Variants in STK32A observed in about 807,000 individuals in gnomAD.
STK32A encodes serine/threonine-protein kinase 32A.
A neutral mutation model predicts 53.2 loss-of-function variants in STK32A; 41 were observed. The observed-to-expected ratio is 0.77, with a 90% CI of 0.60 to 1.00. The LOEUF (loss-of-function observed/expected upper bound fraction) is 1.00. Among genes scored for constraint, STK32A ranks in the 50% least tolerant of loss-of-function variants. STK32A has a pLI of 0.00. For missense variants in STK32A, 458 were observed against 485.8 expected (o/e 0.94, Z 0.54); for synonymous variants, 166 against 162.8 (o/e 1.02, Z -0.15).
At chr5:147,260,553 C>G (rs4629642) in intron 2 of STK32A, among the ~76,000 whole-genome samples, 55,916 of 147,760 alleles carry the variant, frequency 0.38, 10,553 homozygotes, top group Admixed American at 0.42. Flanking sequence ...TGCCTGTCCT[C>G]GAAGGCTCAA....
chr5:147,312,518 T>C (rs909750151), intron 4 of STK32A, among the ~76,000 whole-genome samples: 2 of 152,260 alleles, frequency 1.3e-5, no homozygotes, highest in Non-Finnish European at 2.9e-5. Flanking sequence ...GATATATGGC[T>C]GTTTATTCTG....
chr5:147,283,719 A>T (rs558721253), intron 4 of STK32A, among the ~76,000 whole-genome samples: 6 of 152,278 alleles, frequency 3.9e-5, no homozygotes, highest in African/African-American at 1.2e-4. Context: ...TCCTGGAAAA[A>T]TATAACTCTC....
intron 4 of STK32A, among the ~76,000 whole-genome samples, chr5:147,317,571 CGCTTCA>C (rs1754069020): frequency 6.6e-6 from 1 of 151,890 alleles, no homozygotes; most frequent in Non-Finnish European, 1.5e-5. Flanking sequence ...GTGATCCACC[CGCTTCA>C]GCCTCCCAAA....
intron 10 of STK32A, among the ~76,000 whole-genome samples, chr5:147,373,869 CAG>C (rs1216131350): frequency 6.6e-6 from 1 of 152,140 alleles, no homozygotes; most frequent in Admixed American, 6.5e-5. Context: ...AGCCAGAGTC[CAG>C]AAGCTTAGGC....
intron 2 of STK32A, among the ~76,000 whole-genome samples, chr5:147,263,414 C>T (rs1581009519): frequency 6.6e-6 from 1 of 152,126 alleles, no homozygotes; most frequent in East Asian, 1.9e-4. Flanking sequence ...GATTCTCAGG[C>T]TTTTGGGGAA....
chr5:147,387,853 T>C lies in STK32A; in HGVS notation c.*3870T>C, dbSNP rs1002809421. On this transcript the variant is annotated 3_prime_UTR_variant, in exon 13 of 13. Coordinates refer to ENST00000397936, the MANE Select transcript of STK32A (RefSeq NM_001112724.2). ...GTATTAAAATGTCTTCTGTAAACAATGAGCCACTGACCCTTCTTTGTCAGC... is the reference window on the plus strand; with the variant it reads ...GTATTAAAATGTCTTCTGTAAACAACGAGCCACTGACCCTTCTTTGTCAGC... The C allele has an allele frequency of 6.6e-6, 1 of 152,216 alleles. No homozygotes were observed. The highest frequency in any genetic ancestry group is 1.5e-5 in the Non-Finnish European group (1 of 68,052). The allele number at this position is 152,216 out of a possible 1,614,324, so 9.4% of individuals were successfully genotyped here. A position where few individuals can be genotyped will look rare whatever the true frequency, so the allele number is the denominator to read the frequency against.
chr5:147,246,627 C>T (rs908503253), intron 2 of STK32A, among the ~76,000 whole-genome samples: 2 of 152,108 alleles, frequency 1.3e-5, no homozygotes, highest in South Asian at 2.1e-4. Context: ...ATCGTATCTA[C>T]TCTTTATCTG....
chr5:147,331,960 C>T (rs960565830), intron 5 of STK32A, among the ~76,000 whole-genome samples: 2 of 152,172 alleles, frequency 1.3e-5, no homozygotes, highest in Non-Finnish European at 2.9e-5. Context: ...GACTTTCTAC[C>T]TTCAGAACTG....
At chr5:147,323,819 C>A (rs1754437593) in intron 4 of STK32A, 79 bp from the exon 5 acceptor site, 2 of 1,255,798 alleles carry the variant, frequency 1.6e-6, no homozygotes, top group Middle Eastern at 2.7e-4. Context: ...CTGCTCTGAT[C>A]TGTAGGGTCT....
At chr5:147,251,035 G>A (rs995699067) in intron 2 of STK32A, among the ~76,000 whole-genome samples, 1 of 151,794 alleles carries the variant, frequency 6.6e-6, no homozygotes, top group Admixed American at 6.6e-5. Flanking sequence ...TAAACAAAGA[G>A]ATGATGCCTA....
chr5:147,278,862 A>G (rs181449108), intron 3 of STK32A, among the ~76,000 whole-genome samples: 1 of 152,318 alleles, frequency 6.6e-6, no homozygotes, highest in Admixed American at 6.5e-5. Flanking sequence ...GGTTGTAAAC[A>G]GAAATTCTTT....
intron 7 of STK32A, among the ~76,000 whole-genome samples, chr5:147,352,194 A>T (rs780294534): frequency 1.3e-5 from 2 of 152,220 alleles, no homozygotes; most frequent in Non-Finnish European, 2.9e-5. Context: ...CCTGAGTGAT[A>T]AAGTGAGACT....
intron 5 of STK32A, among the ~76,000 whole-genome samples, chr5:147,326,931 C>T (rs1173458688): frequency 6.6e-6 from 1 of 152,114 alleles, no homozygotes; most frequent in Non-Finnish European, 1.5e-5. Flanking sequence ...GTTGCCTAGG[C>T]TGGCCTTGAA....
chr5:147,391,667 C>T (rs775253342), downstream of STK32A: 4 of 152,098 alleles, frequency 2.6e-5, no homozygotes, highest in Non-Finnish European at 4.4e-5. Context: ...TCTTATGAAA[C>T]GAAACAAATC....
At position 147,386,996 on chromosome 5, in the gene STK32A, TG is replaced by T. The variant is rs1388737727; in HGVS notation, c.*3014del. On this transcript the variant is annotated 3_prime_UTR_variant, in exon 13 of 13. Transcript: ENST00000397936. Reference sequence around the variant, plus strand: ...AGTTGTGACAACCGAGGCTCAGAGCTGTGATTTTTAGAAAACAAGATGACTA... The same window carrying T: ...AGTTGTGACAACCGAGGCTCAGAGCTTGATTTTTAGAAAACAAGATGACTA... 2 of 152,228 alleles carry T rather than the reference TG, an allele frequency of 1.3e-5. No homozygotes were observed. Among genetic ancestry groups the T allele is most frequent in the African/African-American group, 2.4e-5 (1 of 41,458 alleles). 9.4% of individuals were successfully genotyped at this position (152,228 alleles called of 1,614,324 possible). A position where few individuals can be genotyped will look rare whatever the true frequency, so the allele number is the denominator to read the frequency against.
intron 2 of STK32A, among the ~76,000 whole-genome samples, chr5:147,256,655 G>A (rs1754249967): frequency 6.6e-6 from 1 of 152,084 alleles, no homozygotes; most frequent in Admixed American, 6.6e-5. Flanking sequence ...GGGATTACAG[G>A]CATGCACCAC....
chr5:147,383,580 T>C (rs1757537950), intron 12 of STK32A, 75 bp downstream of exon 12: 1 of 1,178,114 alleles, frequency 8.5e-7, no homozygotes, highest in South Asian at 1.5e-5. Context: ...GCAGAGAAAA[T>C]ATATTTTTAA....
At chr5:147,296,318 T>A (rs1302928097) in intron 4 of STK32A, among the ~76,000 whole-genome samples, 1 of 151,894 alleles carries the variant, frequency 6.6e-6, no homozygotes, top group Non-Finnish European at 1.5e-5. Context: ...GAGGGCCAGA[T>A]GGGCAGCTTG....
intron 2 of STK32A, among the ~76,000 whole-genome samples, chr5:147,254,576 G>C (rs1380506318): frequency 1.3e-5 from 2 of 152,160 alleles, no homozygotes; most frequent in Non-Finnish European, 2.9e-5. Flanking sequence ...AATGGTGGGC[G>C]CACACTTGGA....
Sources: allele counts gnomAD v4.1 joint callset (sites outside exome capture counted in the v4.1 genomes callset), GRCh38; gene constraint gnomAD v4.1.1; transcripts MANE v1.5; gene names NCBI Gene and HGNC (gene_info 2026-07-23, HGNC 2026-07-21).